The following LSM14A variants were observed in gnomAD, a reference collection of about 807,000 sequenced individuals.
LSM14A encodes protein LSM14 homolog A.
In LSM14A, 14 loss-of-function variants were observed where a neutral mutation model predicts 52.4. The ratio of observed to expected loss-of-function variants is 0.27; its 90% CI spans 0.18 to 0.42. The LOEUF is 0.42. Ranked by LOEUF, LSM14A falls within the 10% of genes least tolerant of loss-of-function variation. The probability of loss-of-function intolerance (pLI) is 1.00; values close to 1 mark genes in which losing one functional copy is unlikely to be tolerated. For missense variants in LSM14A, 417 were observed against 581.8 expected (o/e 0.72, Z 2.91); for synonymous variants, 185 against 200.3 (o/e 0.92, Z 0.64).
rs1436816267 is a variant in LSM14A at position 34,188,965 on chromosome 19, CATAAT to C, written c.122-5507_122-5503del. 2.0e-5 allele frequency among the ~76,000 whole-genome samples: 3 copies of C among 151,986 alleles called. No homozygotes were observed. In the East Asian group the frequency reaches 5.8e-4, roughly 29 times the overall value. On this transcript the variant is annotated intron_variant, in intron 1 of 9. Transcript: ENST00000544216. Reference sequence around the variant, plus strand: ...ATTTGTATACAAGTTTCTGTGTGAACATAATATAATCTCTGGTACTTTGTTTTGGC... The same window carrying C: ...ATTTGTATACAAGTTTCTGTGTGAACATAATCTCTGGTACTTTGTTTTGGC...
At chr19:34,219,165 A>G (rs1447651765) in intron 6 of LSM14A, among the ~76,000 whole-genome samples, 1 of 152,192 alleles carries the variant, frequency 6.6e-6, no homozygotes, top group Non-Finnish European at 1.5e-5. Context: ...CCATAAATAC[A>G]AATGTTTAGA....
chr19:34,184,304 C>T (rs533029969), intron 1 of LSM14A, among the ~76,000 whole-genome samples: 1 of 152,156 alleles, frequency 6.6e-6, no homozygotes, highest in Non-Finnish European at 1.5e-5. Flanking sequence ...CCACCTGCCT[C>T]GGCCTTCCAA....
At chr19:34,226,723 C>G (rs2073366299) in intron 9 of LSM14A, among the ~76,000 whole-genome samples, 1 of 152,140 alleles carries the variant, frequency 6.6e-6, no homozygotes, top group African/African-American at 2.4e-5. Context: ...AATAAAAGCC[C>G]TTGGCTCCAG....
intron 6 of LSM14A, among the ~76,000 whole-genome samples, chr19:34,217,605 T>A (rs1228486018): frequency 1.8e-5 from 1 of 55,510 alleles, no homozygotes; most frequent in African/African-American, 7.3e-5. Context: ...TATTTTTATA[T>A]CCCCCCCCCC....
At chr19:34,184,483 A>G (rs2069740000) in intron 1 of LSM14A, among the ~76,000 whole-genome samples, 1 of 152,238 alleles carries the variant, frequency 6.6e-6, no homozygotes, top group African/African-American at 2.4e-5. Flanking sequence ...GTAATTAGCC[A>G]TTATCTATAA....
In LSM14A at chr19:34,209,231, T is replaced by G. The variant is rs143039703; in HGVS notation, c.538+180T>G. 3.4e-3 allele frequency among the ~76,000 whole-genome samples: 525 copies of G among 152,368 alleles called. 2 individuals are homozygous for G. Among genetic ancestry groups the G allele is most frequent in the Non-Finnish European group, 6.2e-3 (424 of 68,028 alleles). ...TATATTATTGAATGACTCTCACTAT[T>G]TAGACTTATTACAGTTCTTAGATCA... On this transcript the variant is annotated intron_variant, in intron 4 of 9. Transcript: ENST00000544216.
chr19:34,201,929 C>T (rs1453523620), intron 3 of LSM14A, among the ~76,000 whole-genome samples: 2 of 151,982 alleles, frequency 1.3e-5, no homozygotes, highest in African/African-American at 2.4e-5. Flanking sequence ...TCAAGCAGTC[C>T]TCCCATCTCA....
chr19:34,199,671 C>G (rs187948323), intron 3 of LSM14A, among the ~76,000 whole-genome samples: 5 of 152,048 alleles, frequency 3.3e-5, no homozygotes, highest in Non-Finnish European at 7.4e-5. Context: ...ATGGAAACCC[C>G]GTAGCAAGGG....
intron 1 of LSM14A, among the ~76,000 whole-genome samples, chr19:34,192,784 G>A (rs184070102): frequency 1.3e-5 from 2 of 151,742 alleles, no homozygotes; most frequent in African/African-American, 4.8e-5. Flanking sequence ...AGACCAGTCT[G>A]GCCAACATAG....
intron 3 of LSM14A, among the ~76,000 whole-genome samples, chr19:34,202,330 C>T (rs1481235156): frequency 2.3e-5 from 3 of 128,550 alleles, no homozygotes; most frequent in African/African-American, 8.6e-5. Context: ...CCTGGCTCTA[C>T]AAAAAAAAAA....
intron 6 of LSM14A, among the ~76,000 whole-genome samples, chr19:34,217,422 A>C (rs536455961): frequency 2.1e-4 from 32 of 151,620 alleles, no homozygotes; most frequent in Admixed American, 1.8e-3. Flanking sequence ...ATATTTTCAA[A>C]TTTATTAATG....
chr19:34,184,470 G>A (rs780250771), intron 1 of LSM14A, among the ~76,000 whole-genome samples: 13 of 152,040 alleles, frequency 8.6e-5, no homozygotes, highest in Non-Finnish European at 1.9e-4. Context: ...ATTATCAATT[G>A]GAGTAATTAG....
Position 34,209,054 on chromosome 19 carries a change from A to AC in LSM14A, c.538+3_538+4insC. On this transcript the variant is annotated splice_donor_region_variant and intron_variant, in intron 4 of 9. Coordinates refer to ENST00000544216, the MANE Select transcript of LSM14A (RefSeq NM_015578.4). ...TCTAAAAACACAGTTATCTCAAGGT[A>AC]AGCTATCTCATCCCTAAAATATTTC... 1 of 1,563,246 alleles carries AC rather than the reference A, an allele frequency of 6.4e-7. No homozygotes were observed. Among genetic ancestry groups the AC allele is most frequent in the Non-Finnish European group, 8.7e-7 (1 of 1,153,168 alleles).
At chr19:34,223,615 G>A (rs544414811) in intron 9 of LSM14A, among the ~76,000 whole-genome samples, 1 of 152,310 alleles carries the variant, frequency 6.6e-6, no homozygotes, top group East Asian at 1.9e-4. Flanking sequence ...CCTTTGAGAT[G>A]TCCCTGTCAA....
chr19:34,201,084 A>C (rs1468640932), intron 3 of LSM14A, among the ~76,000 whole-genome samples: 2 of 152,160 alleles, frequency 1.3e-5, no homozygotes, highest in African/African-American at 4.8e-5. Context: ...AAATATTTTA[A>C]TCTAATTTTA....
rs903099593 is a variant in LSM14A at position 34,227,725 on chromosome 19, T to C, written c.*337T>C. The C allele has an allele frequency of 4.0e-6, 1 of 249,738 alleles. No individual in the cohort carries two copies. Among genetic ancestry groups the C allele is most frequent in the Non-Finnish European group, 7.5e-6 (1 of 132,712 alleles). The allele number at this position is 249,738 out of a possible 1,614,324, so 15.5% of individuals were successfully genotyped here. On this transcript the variant is annotated 3_prime_UTR_variant, in exon 10 of 10. Coordinates refer to ENST00000544216, the MANE Select transcript of LSM14A (RefSeq NM_015578.4). ...AGGTTTTTTTTTTTTATCACTAAAT[T>C]GTATTTGGCAATTGCAAGTTGCCTG...
At chr19:34,222,359 A>G (rs2073112602) in intron 9 of LSM14A, among the ~76,000 whole-genome samples, 1 of 152,244 alleles carries the variant, frequency 6.6e-6, no homozygotes, top group South Asian at 2.1e-4. Flanking sequence ...ATTGGCCTTC[A>G]GGAGCTACTG....
chr19:34,192,900 A>T (rs1429475935), intron 1 of LSM14A, among the ~76,000 whole-genome samples: 2 of 151,576 alleles, frequency 1.3e-5, no homozygotes, highest in East Asian at 3.9e-4. Context: ...AGTCGCTTGA[A>T]CCCAAGAGGC....
chr19:34,216,648 CAG>C lies in LSM14A; in HGVS notation c.781+988_781+989del, dbSNP rs2072624989. 2.6e-5 allele frequency among the ~76,000 whole-genome samples: 4 copies of C among 152,138 alleles called. No individual in the cohort carries two copies. The South Asian group carries it at 8.3e-4, about 32-fold the overall frequency. On this transcript the variant is annotated intron_variant, in intron 6 of 9. Transcript: ENST00000544216. ...CTAATTTTTGTATTTTTAGTAGAAA[CAG>C]GGCTTTGCCATGTTGGCCAGGCTGG... is the stretch of plus-strand genomic sequence containing the variant.
Sources: allele counts gnomAD v4.1 joint callset (sites outside exome capture counted in the v4.1 genomes callset), GRCh38; gene constraint gnomAD v4.1.1; transcripts MANE v1.5; gene names NCBI Gene and HGNC (gene_info 2026-07-23, HGNC 2026-07-21).